Variants in MAPK10 observed in about 807,000 individuals in gnomAD.
MAPK10 encodes mitogen-activated protein kinase 10, also known as JNK3 alpha protein kinase.
In MAPK10, 25 loss-of-function variants were observed where a neutral mutation model predicts 59.3. The observed-to-expected ratio is 0.42, with a 90% CI of 0.31 to 0.59. MAPK10 has a LOEUF of 0.59. MAPK10 is among the 20% of genes least tolerant of loss of function. The probability of loss-of-function intolerance (pLI) is 0.15; values close to 1 mark genes in which losing one functional copy is unlikely to be tolerated. For missense variants in MAPK10, 351 were observed against 568.9 expected (o/e 0.62, Z 3.90); for synonymous variants, 190 against 200.5 (o/e 0.95, Z 0.44).
At chr4:86,346,470 C>T (rs189083365) in intron 2 of MAPK10, among the ~76,000 whole-genome samples, 1 of 152,184 alleles carries the variant, frequency 6.6e-6, no homozygotes, top group Admixed American at 6.5e-5. Flanking sequence ...ACAGACATAA[C>T]CATCATAGGC....
chr4:86,510,601 A>G (rs1396066636), intron 1 of MAPK10, among the ~76,000 whole-genome samples: 3 of 152,070 alleles, frequency 2.0e-5, no homozygotes, highest in Non-Finnish European at 2.9e-5. Context: ...ATATGCATGT[A>G]TATAAATATA....
exon 1 of MAPK10, chr4:86,453,112 C>T (rs1035336149): frequency 1.3e-5 from 2 of 152,262 alleles, no homozygotes; most frequent in African/African-American, 4.8e-5. Flanking sequence ...CTCGCTGGGT[C>T]CCCTGCCACG....
intron 9 of MAPK10, among the ~76,000 whole-genome samples, chr4:86,093,536 T>C (rs891453919): frequency 3.3e-5 from 5 of 151,954 alleles, no homozygotes; most frequent in Non-Finnish European, 4.4e-5. Flanking sequence ...CAAAAGGACC[T>C]TGTACTAAAC....
At chr4:86,162,804 T>C (rs1230611032) in intron 3 of MAPK10, among the ~76,000 whole-genome samples, 1 of 152,084 alleles carries the variant, frequency 6.6e-6, no homozygotes, top group African/African-American at 2.4e-5. Context: ...GATCTGTGTT[T>C]TCCCCAACTA....
intron 2 of MAPK10, among the ~76,000 whole-genome samples, chr4:86,341,827 A>AAG (rs1319915205): frequency 1.9e-4 from 13 of 67,202 alleles, no homozygotes; most frequent in Non-Finnish European, 3.4e-4. Context: ...AAAGAAAAAA[A>AAG]AAAAAAACAC....
chr4:86,043,585 T>C (rs993604541), intron 11 of MAPK10, among the ~76,000 whole-genome samples: 1 of 152,182 alleles, frequency 6.6e-6, no homozygotes, highest in Non-Finnish European at 1.5e-5. Context: ...TTTGATTCTT[T>C]GTTCTTTGAA....
intron 2 of MAPK10, among the ~76,000 whole-genome samples, chr4:86,306,211 AC>A (rs1256496271): frequency 6.6e-6 from 1 of 152,228 alleles, no homozygotes; most frequent in Non-Finnish European, 1.5e-5. Flanking sequence ...ATTTTAAAAA[AC>A]TATATGTTTT....
chr4:86,214,033 T>C (rs1304191027), intron 2 of MAPK10, among the ~76,000 whole-genome samples: 1 of 152,074 alleles, frequency 6.6e-6, no homozygotes, highest in East Asian at 1.9e-4. Flanking sequence ...TTATATACTA[T>C]GACCAAGTGA....
chr4:86,206,154 C>T (rs1459997353), intron 2 of MAPK10, among the ~76,000 whole-genome samples: 1 of 151,762 alleles, frequency 6.6e-6, no homozygotes, highest in African/African-American at 2.4e-5. Flanking sequence ...ATTAACTCGT[C>T]ATTTAGCATT....
In MAPK10 at chr4:86,169,875, AC is replaced by A. The variant is rs564897623; in HGVS notation, c.67-10409del. Among the ~76,000 whole-genome samples the A allele has an allele frequency of 1.2e-4, 19 of 152,272 alleles. No homozygotes were observed. In the South Asian group the frequency reaches 3.7e-3, roughly 30 times the overall value. On this transcript the variant is annotated intron_variant, in intron 3 of 13. Transcript: ENST00000641462. Reference sequence around the variant, plus strand: ...ACTAACAGCGGATCTCTCGGCAGAAACCCTACAAGCCAGAAGAGAGTGGGGG... The same window carrying A: ...ACTAACAGCGGATCTCTCGGCAGAAACCTACAAGCCAGAAGAGAGTGGGGG...
intron 1 of MAPK10, among the ~76,000 whole-genome samples, chr4:86,403,441 G>A (rs1482197185): frequency 1.3e-5 from 2 of 152,014 alleles, no homozygotes; most frequent in Admixed American, 6.6e-5. Context: ...GCTTGAACCC[G>A]GGAGACAGAG....
At chr4:86,459,331 T>A (rs562797828) in intron 1 of MAPK10, among the ~76,000 whole-genome samples, 3 of 152,242 alleles carry the variant, frequency 2.0e-5, no homozygotes, top group Non-Finnish European at 2.9e-5. Flanking sequence ...AAAACCACTA[T>A]GAAAAAAAGT....
intron 2 of MAPK10, among the ~76,000 whole-genome samples, chr4:86,217,366 T>C (rs1408222381): frequency 6.6e-6 from 1 of 152,226 alleles, no homozygotes; most frequent in African/African-American, 2.4e-5. Flanking sequence ...AATAAAATAT[T>C]CTTAAATTGG....
At chr4:86,350,487 T>C (rs1420785019) in intron 2 of MAPK10, among the ~76,000 whole-genome samples, 1 of 152,162 alleles carries the variant, frequency 6.6e-6, no homozygotes, top group African/African-American at 2.4e-5. Flanking sequence ...GTGCTGGGAT[T>C]ACAGGCGTGA....
intron 12 of MAPK10, 160 bp from the exon 13 acceptor site, chr4:86,029,434 G>C: frequency 1.7e-6 from 1 of 591,816 alleles, no homozygotes; most frequent in East Asian, 2.8e-5. Context: ...ATATTGCCTT[G>C]TAATTAGCAG....
At chr4:86,125,605 G>A (rs1201997254) in intron 4 of MAPK10, 1 of 152,018 alleles carries the variant, frequency 6.6e-6, no homozygotes, top group Admixed American at 6.6e-5. Flanking sequence ...ACTAAGGACT[G>A]CTCTTCCGGG....
chr4:86,467,523 T>TTGTC (rs1313554436), intron 1 of MAPK10, among the ~76,000 whole-genome samples: 9 of 151,624 alleles, frequency 5.9e-5, no homozygotes, highest in Non-Finnish European at 1.5e-5. Flanking sequence ...TTTTGTTTGT[T>TTGTC]TGTTTGTTTG....
upstream of MAPK10, among the ~76,000 whole-genome samples, chr4:86,457,772 TACC>T (rs536152329): frequency 1.5e-4 from 23 of 151,676 alleles, no homozygotes; most frequent in Non-Finnish European, 3.1e-4. Context: ...CACATCAAAA[TACC>T]ACCATCATTC....
intron 11 of MAPK10, 141 bp from the exon 12 acceptor site, chr4:86,031,572 G>A: frequency 1.7e-6 from 1 of 595,254 alleles, no homozygotes; most frequent in Non-Finnish European, 3.0e-6. Flanking sequence ...CAGTAGTTCA[G>A]AAGTTAAAAT....
Sources: gnomAD v4.1 joint callset for allele counts (sites outside exome capture counted in the v4.1 genomes callset) on GRCh38, gnomAD v4.1.1 for gene constraint, MANE v1.5 for transcripts, NCBI Gene and HGNC (gene_info 2026-07-23, HGNC 2026-07-21) for gene names.